ARHGAP15: variants seen among roughly 807,000 people sequenced by gnomAD.
ARHGAP15 encodes rho GTPase-activating protein 15.
Under a neutral mutation model 63.7 loss-of-function variants are expected in ARHGAP15, and 51 were observed. The ratio of observed to expected loss-of-function variants is 0.80; its 90% CI spans 0.64 to 1.01. The LOEUF (loss-of-function observed/expected upper bound fraction) is 1.01. ARHGAP15 is among the 50% of genes least tolerant of loss of function. ARHGAP15 has a pLI of 0.00. For synonymous variants in ARHGAP15, 191 were observed against 193.8 expected (o/e 0.99, Z 0.12); for missense variants, 560 against 564.6 (o/e 0.99, Z 0.08).
intron 5 of ARHGAP15, among the ~76,000 whole-genome samples, chr2:143,244,482 G>A (rs1693972691): frequency 6.6e-6 from 1 of 152,208 alleles, no homozygotes. Context: ...GTAGATTGAA[G>A]AGAGAGATAA....
At chr2:143,475,552 G>T (rs568749822) in intron 8 of ARHGAP15, among the ~76,000 whole-genome samples, 10 of 152,348 alleles carry the variant, frequency 6.6e-5, no homozygotes, top group African/African-American at 2.2e-4. Flanking sequence ...GGCAAGGGAG[G>T]CTACCACTCT....
chr2:143,507,826 G>A (rs1381910886), intron 9 of ARHGAP15, among the ~76,000 whole-genome samples: 1 of 151,974 alleles, frequency 6.6e-6, no homozygotes, highest in Non-Finnish European at 1.5e-5. Flanking sequence ...TCCTTCATCA[G>A]TAGATCCCAC....
chr2:143,374,986 G>T (rs1386621711), intron 6 of ARHGAP15, among the ~76,000 whole-genome samples: 1 of 152,158 alleles, frequency 6.6e-6, no homozygotes, highest in Non-Finnish European at 1.5e-5. Flanking sequence ...TTCACTATGA[G>T]GGTGAATCAA....
chr2:143,354,764 A>C (rs531326740), intron 6 of ARHGAP15, among the ~76,000 whole-genome samples: 1 of 152,284 alleles, frequency 6.6e-6, no homozygotes, highest in East Asian at 1.9e-4. Context: ...ACTGAATGTT[A>C]ATTTTGCAAA....
intron 4 of ARHGAP15, among the ~76,000 whole-genome samples, chr2:143,225,371 G>A (rs1423011069): frequency 2.6e-5 from 4 of 152,180 alleles, no homozygotes; most frequent in African/African-American, 9.6e-5. Flanking sequence ...GGAGGCCGAG[G>A]CAGGCGGATC....
At chr2:143,250,328 T>C (rs1053128194) in intron 5 of ARHGAP15, among the ~76,000 whole-genome samples, 183 bp from the exon 6 acceptor site, 2 of 152,048 alleles carry the variant, frequency 1.3e-5, no homozygotes, top group African/African-American at 4.8e-5. Context: ...GTCTGTAATT[T>C]TAGACATTGA....
At chr2:143,280,943 G>C (rs1416654218) in intron 6 of ARHGAP15, among the ~76,000 whole-genome samples, 1 of 152,014 alleles carries the variant, frequency 6.6e-6, no homozygotes, top group Non-Finnish European at 1.5e-5. Flanking sequence ...TTTGCTAGAA[G>C]AAAAAACATT....
chr2:143,655,390 T>G (rs988605207), intron 12 of ARHGAP15, among the ~76,000 whole-genome samples: 3 of 141,958 alleles, frequency 2.1e-5, no homozygotes, highest in Admixed American at 7.3e-5. Flanking sequence ...AAACTTGGGT[T>G]TGAATTTGGG....
At chr2:143,257,197 A>G (rs1378799848) in intron 6 of ARHGAP15, among the ~76,000 whole-genome samples, 2 of 152,058 alleles carry the variant, frequency 1.3e-5, no homozygotes, top group Non-Finnish European at 2.9e-5. Flanking sequence ...GCACACCTTC[A>G]TTGTTTCATT....
intron 6 of ARHGAP15, among the ~76,000 whole-genome samples, chr2:143,331,391 T>C (rs1371758085): frequency 1.3e-5 from 2 of 152,190 alleles, no homozygotes; most frequent in Non-Finnish European, 2.9e-5. Context: ...TGCTGGTACT[T>C]AACTATACAT....
intron 6 of ARHGAP15, among the ~76,000 whole-genome samples, chr2:143,319,390 AATTGT>A (rs1045673440): frequency 3.3e-5 from 5 of 151,756 alleles, no homozygotes; most frequent in African/African-American, 4.8e-5. Flanking sequence ...ATGCCTGGCT[AATTGT>A]ATTTTTGATA....
intron 8 of ARHGAP15, among the ~76,000 whole-genome samples, chr2:143,481,417 T>A (rs976186311): frequency 2.6e-5 from 4 of 151,398 alleles, no homozygotes; most frequent in Admixed American, 1.3e-4. Context: ...AAAAAAAAAA[T>A]AATAACAACA....
intron 6 of ARHGAP15, among the ~76,000 whole-genome samples, chr2:143,337,006 G>A (rs1411352650): frequency 6.6e-6 from 1 of 152,004 alleles, no homozygotes; most frequent in Admixed American, 6.6e-5. Context: ...AATGTGCAGT[G>A]TTTCAGGAGG....
intron 11 of ARHGAP15, among the ~76,000 whole-genome samples, chr2:143,586,435 T>A (rs1201921962): frequency 7.2e-5 from 11 of 152,246 alleles, no homozygotes; most frequent in Admixed American, 6.5e-4. Context: ...TTTATCAATA[T>A]ACTAAAACTA....
chr2:143,291,699 C>T (rs932399977), intron 6 of ARHGAP15, among the ~76,000 whole-genome samples: 3 of 152,038 alleles, frequency 2.0e-5, no homozygotes, highest in African/African-American at 4.8e-5. Context: ...ACTCAGCAAA[C>T]GTTCAGTGAG....
chr2:143,768,277 G>A lies in ARHGAP15; in HGVS notation c.*105G>A. 1 of 1,065,664 alleles carries A rather than the reference G, an allele frequency of 9.4e-7. No individual in the cohort carries two copies. Among genetic ancestry groups the A allele is most frequent in the Non-Finnish European group, 1.3e-6 (1 of 749,884 alleles). 66.0% of individuals were successfully genotyped at this position (1,065,664 alleles called of 1,614,324 possible). On this transcript the variant is annotated 3_prime_UTR_variant, in exon 14 of 14. Coordinates refer to ENST00000295095, the MANE Select transcript of ARHGAP15 (RefSeq NM_018460.4). ...AATATTTTTTGCCTTTCAAGCGACAGATGCCTCATTTTGTGAAAACTTAAT... is the reference window on the plus strand; with the variant it reads ...AATATTTTTTGCCTTTCAAGCGACAAATGCCTCATTTTGTGAAAACTTAAT...
intron 8 of ARHGAP15, among the ~76,000 whole-genome samples, chr2:143,459,333 T>A (rs954186196): frequency 6.1e-5 from 9 of 148,686 alleles, no homozygotes; most frequent in Admixed American, 6.7e-5. Flanking sequence ...TCTGGTTAAA[T>A]GGGGGGTGGG....
intron 6 of ARHGAP15, among the ~76,000 whole-genome samples, chr2:143,367,370 T>G (rs568292087): frequency 1.3e-5 from 2 of 152,140 alleles, no homozygotes; most frequent in African/African-American, 4.8e-5. Context: ...TTCTCTTTAT[T>G]TGCCATCTTT....
At chr2:143,296,962 T>G (rs114943608) in intron 6 of ARHGAP15, among the ~76,000 whole-genome samples, 1 of 152,104 alleles carries the variant, frequency 6.6e-6, no homozygotes, top group Non-Finnish European at 1.5e-5. Flanking sequence ...TAGCCAAATA[T>G]ACCTTTTTTT....
Sources: gnomAD v4.1 joint callset for allele counts (sites outside exome capture counted in the v4.1 genomes callset) on GRCh38, gnomAD v4.1.1 for gene constraint, MANE v1.5 for transcripts, NCBI Gene and HGNC (gene_info 2026-07-23, HGNC 2026-07-21) for gene names.